Variants in FCRL2 observed in about 807,000 individuals in gnomAD.
FCRL2 encodes Fc receptor like 2, also known as Fc receptor-like protein 2.
Under a neutral mutation model 59.8 loss-of-function variants are expected in FCRL2, and 48 were observed. The observed-to-expected ratio is 0.80, with a 90% CI of 0.64 to 1.02. The LOEUF (loss-of-function observed/expected upper bound fraction) is 1.02. FCRL2 is among the 50% of genes least tolerant of loss of function. FCRL2 has a pLI of 0.00. For missense variants in FCRL2, 658 were observed against 597.3 expected (o/e 1.10, Z -1.06); for synonymous variants, 251 against 229.5 (o/e 1.09, Z -0.85).
rs1452225474 is a variant in FCRL2, at chr1:157,766,907, A to G, written c.1227T>C (p.Leu409=). 2 of 1,614,218 alleles carry G rather than the reference A, an allele frequency of 1.2e-6. No individual in the cohort carries two copies. The highest frequency in any genetic ancestry group is 2.2e-5 in the South Asian group (2 of 91,082). The change falls in exon 7 of 12, where the codon CTT becomes CTC. Residue 409 remains leucine, a synonymous_variant. Transcript: ENST00000361516. ...ACAGCAAAGCAACACCAGTGAAACC[A>G]AGGACACCAAACAGTCCCCAGAGAA... ...AGVLWGLFGV[L]GFTGVALLLY... is the part of the protein sequence containing the mutation.
At chr1:157,762,845 A>G (rs1447244126) in intron 7 of FCRL2, among the ~76,000 whole-genome samples, 1 of 152,246 alleles carries the variant, frequency 6.6e-6, no homozygotes. Context: ...CCAGCAAAAT[A>G]TCCTTCATAA....
At position 157,745,890 on chromosome 1, in the gene FCRL2, A is replaced by G. The variant is rs1647706375; in HGVS notation, c.*846T>C. ...GTTCCAGACTACCAAAATAAAACAA[A>G]TGCTGCAATAAAGCAAGTCACACAG... On this transcript the variant is annotated 3_prime_UTR_variant, in exon 12 of 12. Transcript: ENST00000361516. The G allele has an allele frequency of 1.3e-5, 2 of 152,230 alleles. No homozygotes were observed. Among genetic ancestry groups the G allele is most frequent in the Admixed American group, 6.5e-5 (1 of 15,282 alleles). The allele number at this position is 152,230 out of a possible 1,614,324, so 9.4% of individuals were successfully genotyped here.
chr1:157,749,718 G>A, intron 7 of FCRL2, 41 bp from the exon 8 acceptor site: 1 of 1,561,508 alleles, frequency 6.4e-7, no homozygotes, highest in Non-Finnish European at 8.8e-7. Flanking sequence ...AGAGAAGGAA[G>A]CTTTATCTCT....
At chr1:157,757,753 G>C (rs1651605223) in intron 7 of FCRL2, among the ~76,000 whole-genome samples, 1 of 152,172 alleles carries the variant, frequency 6.6e-6, no homozygotes, top group Non-Finnish European at 1.5e-5. Flanking sequence ...ACGAGGTCAG[G>C]AGATCGAGAC....
In FCRL2 at chr1:157,768,609, C is replaced by G. The variant is rs551182178; in HGVS notation, c.688G>C (p.Gly230Arg). The change falls in exon 5 of 12, where the codon GGG becomes CGG. Residue 230 changes from glycine (G) to arginine (R), a missense_variant. By Grantham distance (125) the Gly-to-Arg change is moderately radical. Transcript: ENST00000361516. ...GAGAATGTGACATTTCCTGTACCCC[C>G]AGCCACTGAGCAGAGCAGGATCAGT... ...QKLILLCSVA[G>R]GTGNVTFSWY... 7 of 1,614,202 alleles carry G rather than the reference C, an allele frequency of 4.3e-6. No individual in the cohort carries two copies. Among genetic ancestry groups the G allele is most frequent in the Middle Eastern group, 1.7e-4 (1 of 6,060 alleles).
chr1:157,770,664 A>G lies in FCRL2; in HGVS notation c.55T>C (p.Ser19Pro), dbSNP rs1649942874. Reference sequence around the variant, plus strand: ...GAAGAGGGCGCCACAAGGGTCAGCGAATCTGGAAGAGAAGGAGGGAAACCG... The same window carrying G: ...GAAGAGGGCGCCACAAGGGTCAGCGGATCTGGAAGAGAAGGAGGGAAACCG... Reference protein sequence around the residue: ...IFDAVTEQADSLTLVAPSSVF... With the variant: ...IFDAVTEQADPLTLVAPSSVF... The change falls in exon 3 of 12, where the codon TCG becomes CCG. Residue 19 changes from serine (S) to proline (P), a missense_variant and splice_region_variant. Ser to Pro is a moderately conservative substitution (Grantham distance 74). Coordinates refer to ENST00000361516, the MANE Select transcript of FCRL2 (RefSeq NM_030764.4). 2.5e-6 allele frequency: 4 copies of G among 1,613,806 alleles called. No homozygotes were observed. In the South Asian group the frequency reaches 3.3e-5, roughly 13 times the overall value.
At chr1:157,764,074 C>T (rs1055656565) in intron 7 of FCRL2, among the ~76,000 whole-genome samples, 26 of 147,860 alleles carry the variant, frequency 1.8e-4, no homozygotes, top group African/African-American at 6.5e-4. Context: ...TGTGGTGGCA[C>T]ACGCCTGTAG....
rs768283152 is a variant in FCRL2, at chr1:157,767,341, C to T, written c.1052G>A (p.Gly351Glu). 189 of 1,614,074 alleles carry T rather than the reference C, an allele frequency of 1.2e-4. No individual in the cohort carries two copies. The highest frequency in any genetic ancestry group is 1.6e-4 in the Non-Finnish European group (183 of 1,180,042). Residue 351 changes from glycine (G) to glutamate (E), a missense_variant, in exon 6 of 12, where the codon GGG becomes GAG. Gly to Glu is a moderately conservative substitution (Grantham distance 98, BLOSUM62 -2). Transcript: ENST00000361516. ...LGNSSAPSGG[G>E]ASFNLSLTAE... ...AGTCAAAGAGAGGTTGAAGGAGGCCCCTCCTCCAGAGGGGGCCGAGCTGTT... is the reference window on the plus strand; with the variant it reads ...AGTCAAAGAGAGGTTGAAGGAGGCCTCTCCTCCAGAGGGGGCCGAGCTGTT...
intron 7 of FCRL2, among the ~76,000 whole-genome samples, chr1:157,762,283 A>T (rs1649158050): frequency 1.3e-5 from 2 of 152,188 alleles, no homozygotes; most frequent in African/African-American, 2.4e-5. Context: ...CAACACCAGT[A>T]TCCATTGTTT....
chr1:157,766,733 T>A, intron 7 of FCRL2, 122 bp downstream of exon 7: 2 of 1,503,300 alleles, frequency 1.3e-6, no homozygotes, highest in Non-Finnish European at 1.8e-6. Context: ...TTATGAAGCA[T>A]AAAAAGAAAT....
chr1:157,750,893 T>C (rs1044950627), intron 7 of FCRL2, among the ~76,000 whole-genome samples: 1 of 152,214 alleles, frequency 6.6e-6, no homozygotes, highest in Admixed American at 6.5e-5. Flanking sequence ...AATGTGATGA[T>C]ACATTGGTTC....
chr1:157,748,711 C>T, intron 9 of FCRL2, 93 bp from the exon 10 acceptor site: 1 of 1,248,858 alleles, frequency 8.0e-7, no homozygotes, highest in Middle Eastern at 1.9e-4. Context: ...TGATTATATC[C>T]TTCCTCTCAA....
rs77003232 is a variant in FCRL2 at position 157,746,625 on chromosome 1, C to T, written c.*111G>A. ...ATGACAGGAGGTGCCTCCTGAGGCA[C>T]GTTCTGGCTGTGGCAGGTGATAAGC... On this transcript the variant is annotated 3_prime_UTR_variant, in exon 12 of 12. Coordinates refer to ENST00000361516, the MANE Select transcript of FCRL2 (RefSeq NM_030764.4). 1,065 of 1,064,422 alleles carry T rather than the reference C, an allele frequency of 1.0e-3. 6 individuals are homozygous for T. In the African/African-American group the frequency reaches 0.015, roughly 15 times the overall value. The allele number at this position is 1,064,422 out of a possible 1,614,324, so 65.9% of individuals were successfully genotyped here.
In FCRL2 at chr1:157,746,881, A is replaced by G. The variant is rs772656267; in HGVS notation, c.1478T>C (p.Leu493Pro). Residue 493 changes from leucine to proline, a missense_variant, in exon 11 of 12, where the codon CTG (leucine) becomes CCG (proline). Leu to Pro is a moderately conservative substitution (Grantham distance 98). Coordinates refer to ENST00000361516, the MANE Select transcript of FCRL2 (RefSeq NM_030764.4). ...AGGTGTCTAGCTCACCTTGTTCTCC[A>G]GAAGTGTCCTGATGTTTGCTGTTAA... ...PESSANIRTL[L>P]ENKDSQVIYS... is the part of the protein sequence containing the mutation. The G allele has an allele frequency of 2.1e-5, 34 of 1,613,900 alleles. No homozygotes were observed. The highest frequency in any genetic ancestry group is 2.9e-5 in the Non-Finnish European group (34 of 1,180,030).
chr1:157,770,940 G>A (rs932055634), intron 2 of FCRL2, among the ~76,000 whole-genome samples: 2 of 152,186 alleles, frequency 1.3e-5, no homozygotes, highest in African/African-American at 4.8e-5. Context: ...AGGTCAGGGT[G>A]CCAGCATTGT....
At position 157,750,162 on chromosome 1, in the gene FCRL2, C is replaced by T. The variant is rs373677466; in HGVS notation, c.1280-485G>A. Among the ~76,000 whole-genome samples, 47 of 152,262 alleles carry T rather than the reference C, an allele frequency of 3.1e-4. No homozygotes were observed. In the East Asian group the frequency reaches 3.3e-3, roughly 11 times the overall value. ...AAGCTGGATGTTGACATTCGTAAGG[C>T]GAACTAGGCCATCTCTTGTACCATT... is the stretch of plus-strand genomic sequence containing the variant. On this transcript the variant is annotated intron_variant, in intron 7 of 11. Transcript: ENST00000361516.
intron 7 of FCRL2, among the ~76,000 whole-genome samples, chr1:157,755,125 T>C (rs1300408722): frequency 6.6e-6 from 1 of 152,166 alleles, no homozygotes; most frequent in Non-Finnish European, 1.5e-5. Context: ...AGAATTTCAA[T>C]ATGAAAGGCA....
In FCRL2 at chr1:157,767,222, C is replaced by A. The variant is rs1441937955; in HGVS notation, c.1162+9G>T. 2.5e-6 allele frequency: 4 copies of A among 1,606,882 alleles called. No individual in the cohort carries two copies. In the South Asian group the frequency reaches 3.3e-5, roughly 13 times the overall value. On this transcript the variant is annotated intron_variant, in intron 6 of 11. Coordinates refer to ENST00000361516, the MANE Select transcript of FCRL2 (RefSeq NM_030764.4). ...CATCAAACTCTGTATCCAGGTAACACCCACCCACCTGAGATGGAGACTGGC... is the reference window on the plus strand; with the variant it reads ...CATCAAACTCTGTATCCAGGTAACAACCACCCACCTGAGATGGAGACTGGC...
intron 2 of FCRL2, among the ~76,000 whole-genome samples, chr1:157,771,017 G>A (rs1649981586): frequency 6.6e-6 from 1 of 152,096 alleles, no homozygotes; most frequent in Non-Finnish European, 1.5e-5. Flanking sequence ...GTCACATGAT[G>A]GAAAACTAAT....
Sources: gnomAD v4.1 joint callset for allele counts (sites outside exome capture counted in the v4.1 genomes callset) on GRCh38, gnomAD v4.1.1 for gene constraint, MANE v1.5 for transcripts, NCBI Gene and HGNC (gene_info 2026-07-23, HGNC 2026-07-21) for gene names.